Variants in DCC observed in about 807,000 individuals in gnomAD.
The protein encoded by DCC is DCC netrin 1 receptor, also known as netrin receptor DCC.
In DCC, 58 loss-of-function variants were observed where a neutral mutation model predicts 172.5. The ratio of observed to expected loss-of-function variants is 0.34; its 90% CI spans 0.27 to 0.42. DCC has a LOEUF of 0.42. Ranked by LOEUF, DCC falls within the 10% of genes least tolerant of loss-of-function variation. The pLI, the probability that DCC is intolerant of heterozygous loss-of-function variation, is 1.00. For missense variants in DCC, 1,740 were observed against 1,791.0 expected (o/e 0.97, Z 0.51); for synonymous variants, 709 against 644.5 (o/e 1.10, Z -1.52).
At chr18:53,467,169 T>C (rs2045632240) in intron 24 of DCC, among the ~76,000 whole-genome samples, 1 of 151,144 alleles carries the variant, frequency 6.6e-6, no homozygotes, top group Admixed American at 6.6e-5. Flanking sequence ...TGTGTACTTA[T>C]ATATATATAT....
intron 5 of DCC, among the ~76,000 whole-genome samples, chr18:52,994,509 C>T (rs946525116): frequency 2.0e-5 from 3 of 152,038 alleles, no homozygotes; most frequent in Non-Finnish European, 2.9e-5. Context: ...TATGAACGTA[C>T]GATTCTCATA....
chr18:52,638,138 A>G lies in DCC; in HGVS notation c.92-113916A>G, dbSNP rs188927549. On this transcript the variant is annotated intron_variant, in intron 1 of 28. Coordinates refer to ENST00000442544, the MANE Select transcript of DCC (RefSeq NM_005215.4). ...ATGCTGGGAGAATTTGCCATTACCA[A>G]GCCACCACTACAAGAACTGCTAAAA... Among the ~76,000 whole-genome samples, 201 of 152,334 alleles carry G rather than the reference A, an allele frequency of 1.3e-3. 1 individual carries two copies. Among genetic ancestry groups the G allele is most frequent in the African/African-American group, 4.4e-3 (184 of 41,578 alleles).
intron 1 of DCC, among the ~76,000 whole-genome samples, chr18:52,592,494 A>AC (rs2033821458): frequency 6.6e-6 from 1 of 152,090 alleles, no homozygotes; most frequent in African/African-American, 2.4e-5. Context: ...ACAAAGGCTC[A>AC]CTCTAATAAC....
At chr18:52,711,298 G>T (rs1299235929) in intron 1 of DCC, among the ~76,000 whole-genome samples, 1 of 151,974 alleles carries the variant, frequency 6.6e-6, no homozygotes, top group Admixed American at 6.6e-5. Flanking sequence ...CGCAATCTTG[G>T]CTCACCGCAA....
At chr18:52,968,630 A>T (rs2040973184) in intron 5 of DCC, among the ~76,000 whole-genome samples, 1 of 152,198 alleles carries the variant, frequency 6.6e-6, no homozygotes, top group Non-Finnish European at 1.5e-5. Context: ...AGCAATGGAA[A>T]CTAGATTCAA....
At chr18:53,456,415 G>GC (rs1455002687) in intron 23 of DCC, among the ~76,000 whole-genome samples, 1 of 152,138 alleles carries the variant, frequency 6.6e-6, no homozygotes, top group Admixed American at 6.5e-5. Context: ...CTATTCTAGG[G>GC]CTATTTTAGA....
Position 52,910,988 on chromosome 18 carries a change from T to G in DCC, c.697+4660T>G, listed in dbSNP as rs188662789. On this transcript the variant is annotated intron_variant, in intron 3 of 28. Coordinates refer to ENST00000442544, the MANE Select transcript of DCC (RefSeq NM_005215.4). ...ATCCTGTCTTCAGTTTTAAAACAAATAGTTTTAGATTTTTCTTCATCACTA... is the reference window on the plus strand; with the variant it reads ...ATCCTGTCTTCAGTTTTAAAACAAAGAGTTTTAGATTTTTCTTCATCACTA... Among the ~76,000 whole-genome samples the G allele has an allele frequency of 2.0e-5, 3 of 151,488 alleles. No homozygotes were observed. In the East Asian group the frequency reaches 5.8e-4, roughly 29 times the overall value.
chr18:52,529,482 G>A (rs1459993739), intron 1 of DCC, among the ~76,000 whole-genome samples: 1 of 152,160 alleles, frequency 6.6e-6, no homozygotes, highest in African/African-American at 2.4e-5. Flanking sequence ...AGTAGAGACA[G>A]GGTTTCCCCG....
At chr18:52,452,243 A>C (rs1199616522) in intron 1 of DCC, among the ~76,000 whole-genome samples, 1 of 152,226 alleles carries the variant, frequency 6.6e-6, no homozygotes, top group African/African-American at 2.4e-5. Context: ...AGTTACCTGA[A>C]AAATATGCTT....
intron 1 of DCC, among the ~76,000 whole-genome samples, chr18:52,687,289 T>C (rs1426021084): frequency 6.7e-6 from 1 of 150,014 alleles, no homozygotes; most frequent in Non-Finnish European, 1.5e-5. Flanking sequence ...TTTCCTTTTT[T>C]TTTTTTTTTT....
At chr18:52,857,958 AG>A (rs1355854121) in intron 2 of DCC, among the ~76,000 whole-genome samples, 4 of 152,254 alleles carry the variant, frequency 2.6e-5, no homozygotes, top group African/African-American at 9.6e-5. Flanking sequence ...TTTGGTTAAA[AG>A]AATATTTGGA....
chr18:52,626,566 CAT>C (rs1355848998), intron 1 of DCC, among the ~76,000 whole-genome samples: 1 of 152,108 alleles, frequency 6.6e-6, no homozygotes. Context: ...CTCCACTGCA[CAT>C]GATAGCTAAA....
chr18:53,125,696 C>T (rs1386141985), intron 7 of DCC, among the ~76,000 whole-genome samples: 2 of 152,068 alleles, frequency 1.3e-5, no homozygotes, highest in African/African-American at 2.4e-5. Flanking sequence ...CCTGGAGCAC[C>T]AGGCATTAGA....
At chr18:53,362,711 A>G (rs72927272) in intron 15 of DCC, among the ~76,000 whole-genome samples, 2 of 152,074 alleles carry the variant, frequency 1.3e-5, no homozygotes, top group South Asian at 2.1e-4. Context: ...TGTGAAGACT[A>G]TACTTTTGTT....
chr18:52,595,698 AC>A (rs1226661556), intron 1 of DCC, among the ~76,000 whole-genome samples: 1 of 152,118 alleles, frequency 6.6e-6, no homozygotes, highest in Admixed American at 6.5e-5. Context: ...TTGCATTTTA[AC>A]CAGCTACAAT....
intron 8 of DCC, among the ~76,000 whole-genome samples, chr18:53,170,480 GC>G (rs1311965252): frequency 3.9e-5 from 6 of 152,164 alleles, no homozygotes; most frequent in African/African-American, 1.4e-4. Flanking sequence ...TATCTATGTA[GC>G]TTTTTTCTAT....
chr18:53,529,150 G>T (rs541260136), intron 28 of DCC, among the ~76,000 whole-genome samples: 1 of 151,642 alleles, frequency 6.6e-6, no homozygotes, highest in Admixed American at 6.6e-5. Flanking sequence ...AAGCCCTGAA[G>T]ATTGGGTAGT....
intron 5 of DCC, among the ~76,000 whole-genome samples, chr18:52,957,676 AG>A (rs951847311): frequency 1.3e-4 from 20 of 152,288 alleles, no homozygotes; most frequent in Admixed American, 1.2e-3. Context: ...GTTTTCAGGA[AG>A]GACCATGAGA....
At chr18:53,217,566 A>G (rs1358511065) in intron 12 of DCC, among the ~76,000 whole-genome samples, 4 of 152,106 alleles carry the variant, frequency 2.6e-5, no homozygotes, top group Non-Finnish European at 4.4e-5. Flanking sequence ...GAAATTATGA[A>G]TTATAAATTT....
Sources: allele counts gnomAD v4.1 joint callset (sites outside exome capture counted in the v4.1 genomes callset), GRCh38; gene constraint gnomAD v4.1.1; transcripts MANE v1.5; gene names NCBI Gene and HGNC (gene_info 2026-07-23, HGNC 2026-07-21).